Variants in ESYT2 observed in about 807,000 individuals in gnomAD.
ESYT2 encodes the protein extended synaptotagmin-2.
ESYT2 carries 54 observed loss-of-function variants against 107.2 expected under a neutral mutation model. The ratio of observed to expected loss-of-function variants is 0.50; its 90% CI spans 0.40 to 0.63. The LOEUF is 0.63. Among genes scored for constraint, ESYT2 ranks in the 30% least tolerant of loss-of-function variants. ESYT2 has a pLI of 0.00. For missense variants in ESYT2, 1,020 were observed against 1,094.5 expected (o/e 0.93, Z 0.96); for synonymous variants, 491 against 434.1 (o/e 1.13, Z -1.63).
chr7:158,799,131 C>T (rs897312310), intron 1 of ESYT2, 59 bp from the exon 2 acceptor site: 2 of 1,453,134 alleles, frequency 1.4e-6, no homozygotes, highest in Non-Finnish European at 1.9e-6. Context: ...AATAAAATGT[C>T]AAGCAGGCAA....
rs1448175736 is a variant in ESYT2, at chr7:158,731,622, A to C, written c.*2585T>G. The stretch of plus-strand genomic sequence containing the variant: ...GCACCCGGCCAGCTGCTTCTATTTT[A>C]ATCTGAACTTGGAAACACCTTCCTA... On this transcript the variant is annotated 3_prime_UTR_variant, in exon 23 of 23. Transcript: ENST00000275418. 1 of 152,594 alleles carries C rather than the reference A, an allele frequency of 6.6e-6. No individual in the cohort carries two copies. The highest frequency in any genetic ancestry group is 1.5e-5 in the Non-Finnish European group (1 of 68,094). 9.5% of individuals were successfully genotyped at this position (152,594 alleles called of 1,614,324 possible).
In ESYT2 at chr7:158,829,278, C is replaced by T; in HGVS notation, c.141G>A (p.Leu47=). The T allele has an allele frequency of 6.6e-7, 1 of 1,518,646 alleles. No homozygotes were observed. Among genetic ancestry groups the T allele is most frequent in the Non-Finnish European group, 8.8e-7 (1 of 1,142,002 alleles). The allele number at this position is 1,518,646 out of a possible 1,614,324, so 94.1% of individuals were successfully genotyped here. A position where few individuals can be genotyped will look rare whatever the true frequency, so the allele number is the denominator to read the frequency against. The change falls in exon 1 of 23, where the codon CTG becomes CTA. Residue 47 remains leucine (L), a synonymous_variant. Coordinates refer to ENST00000275418, the MANE Select transcript of ESYT2 (RefSeq NM_001367773.1). ...GGTAGCCCAGCGCGTACACGGGCAG[C>T]AGCAGCGCGAAGCTCCGCGCCAGCT... The part of the protein sequence containing the change: ...LAQLARSFAL[L]LPVYALGYLG...
intron 6 of ESYT2, among the ~76,000 whole-genome samples, chr7:158,782,936 G>A (rs1838966912): frequency 6.6e-6 from 1 of 152,202 alleles, no homozygotes; most frequent in South Asian, 2.1e-4. Context: ...GTCCACATGA[G>A]GGCACCGTGG....
intron 1 of ESYT2, among the ~76,000 whole-genome samples, chr7:158,820,695 A>G (rs913363142): frequency 2.0e-5 from 3 of 152,132 alleles, no homozygotes; most frequent in South Asian, 2.1e-4. Flanking sequence ...CTGAGGCGGG[A>G]GGGGTGACTG....
Position 158,829,077 on chromosome 7 carries a change from G to A in ESYT2, c.330+12C>T. 1 of 1,583,990 alleles carries A rather than the reference G, an allele frequency of 6.3e-7. No homozygotes were observed. The highest frequency in any genetic ancestry group is 1.1e-5 in the South Asian group (1 of 89,772). ...TGGTCAGGGGTCGGGACGGGCAGGG[G>A]TCTGCACTCACCCAGGCGGGCAGGT... On this transcript the variant is annotated intron_variant, in intron 1 of 22. Transcript: ENST00000275418.
chr7:158,734,941 G>A (rs905459224), intron 21 of ESYT2, among the ~76,000 whole-genome samples: 2 of 152,078 alleles, frequency 1.3e-5, no homozygotes, highest in African/African-American at 4.8e-5. Flanking sequence ...ACCCCCCTGA[G>A]CACCTGTAAG....
rs780872461 is a variant in ESYT2, at chr7:158,760,090, T to C, written c.1291A>G (p.Thr431Ala). Residue 431 changes from threonine to alanine, a missense_variant, in exon 12 of 23, where the codon ACG (threonine) becomes GCG (alanine). Physicochemically the swap from Thr to Ala is moderately conservative, Grantham distance 58. Coordinates refer to ENST00000275418, the MANE Select transcript of ESYT2 (RefSeq NM_001367773.1). The stretch of plus-strand genomic sequence containing the variant: ...AGGTTTGACGCATTTGGCATTAACG[T>C]GAGCCACTCCAGTCTCAAGTGTAGC... The part of the protein sequence containing the change: ...GKLHLRLEWL[T>A]LMPNASNLDK... The C allele has an allele frequency of 6.2e-7, 1 of 1,614,208 alleles. No homozygotes were observed. Among genetic ancestry groups the C allele is most frequent in the East Asian group, 2.2e-5 (1 of 44,894 alleles).
At position 158,734,235 on chromosome 7, in the gene ESYT2, T is replaced by C. The variant is rs1836837198; in HGVS notation, c.2573A>G (p.Asp858Gly). Reference protein sequence around the residue: ...GWTQWYDLTEDGTRPQAMT With the variant: ...GWTQWYDLTEGGTRPQAMT ...TGTCATCGCCTGAGGCCTCGTCCCA[T>C]CTTCCGTGAGGTCATACCTGAGAAA... Residue 858 changes from aspartate (D) to glycine (G), a missense_variant, in exon 23 of 23, where the codon GAT becomes GGT. Physicochemically the swap from Asp to Gly is moderately conservative, Grantham distance 94 (BLOSUM62 -1). Coordinates refer to ENST00000275418, the MANE Select transcript of ESYT2 (RefSeq NM_001367773.1). The C allele has an allele frequency of 6.2e-7, 1 of 1,614,010 alleles. No homozygotes were observed. Among genetic ancestry groups the C allele is most frequent in the African/African-American group, 1.3e-5 (1 of 74,926 alleles).
intron 4 of ESYT2, among the ~76,000 whole-genome samples, chr7:158,792,822 G>A (rs988525346): frequency 1.1e-4 from 16 of 141,392 alleles, no homozygotes; most frequent in South Asian, 2.4e-4. Flanking sequence ...AGGCTGGAGC[G>A]CAGTGGCATG....
chr7:158,750,766 G>A (rs900021850), intron 14 of ESYT2, among the ~76,000 whole-genome samples: 7 of 152,158 alleles, frequency 4.6e-5, no homozygotes, highest in Non-Finnish European at 1.0e-4. Flanking sequence ...AGTTTTAGCT[G>A]AGCACAAGTC....
intron 20 of ESYT2, among the ~76,000 whole-genome samples, chr7:158,735,892 T>A: frequency 6.6e-6 from 1 of 152,104 alleles, no homozygotes. Context: ...TCTCTCAACA[T>A]GTCTGACTCT....
chr7:158,782,150 AGTGTGAGTGTGAGAACAGTGAG>A (rs1446679117), intron 6 of ESYT2, among the ~76,000 whole-genome samples: 2 of 150,598 alleles, frequency 1.3e-5, no homozygotes, highest in Non-Finnish European at 2.9e-5. Flanking sequence ...TGAGTGAACA[AGTGTGAGTGTGAGAACAGTGAG>A]GTGTGAGTGT....
rs758615693 is a variant in ESYT2, at chr7:158,788,089, T to C, written c.662A>G (p.His221Arg). The C allele has an allele frequency of 3.7e-5, 60 of 1,613,778 alleles. No individual in the cohort carries two copies. Among genetic ancestry groups the C allele is most frequent in the East Asian group, 2.0e-4 (9 of 44,884 alleles). The stretch of plus-strand genomic sequence containing the variant: ...TTCCAGGATCACCCGCATGGTACCA[T>C]GAATCTAAACTCAAACAGGAAACCA... ...CRAGVKSIQIHGTMRVILEPL... is the reference protein window; with the variant it reads ...CRAGVKSIQIRGTMRVILEPL... Residue 221 changes from histidine to arginine, a missense_variant, in exon 6 of 23, where the codon CAT becomes CGT. Physicochemically the swap from His to Arg is conservative, Grantham distance 29. Transcript: ENST00000275418.
At chr7:158,824,981 G>A (rs973097397) in intron 1 of ESYT2, among the ~76,000 whole-genome samples, 10 of 152,220 alleles carry the variant, frequency 6.6e-5, no homozygotes, top group Middle Eastern at 6.8e-3. Flanking sequence ...GGAACACAGC[G>A]AGAACCGCCT....
intron 6 of ESYT2, among the ~76,000 whole-genome samples, chr7:158,782,966 C>T (rs1207033818): frequency 6.6e-6 from 1 of 152,178 alleles, no homozygotes; most frequent in African/African-American, 2.4e-5. Flanking sequence ...CAGCAGGGCC[C>T]GATAAAGGCC....
intron 4 of ESYT2, among the ~76,000 whole-genome samples, chr7:158,788,919 G>A (rs1839194463): frequency 6.6e-6 from 1 of 152,178 alleles, no homozygotes; most frequent in Non-Finnish European, 1.5e-5. Context: ...TAGAAACAGT[G>A]TATCTGTTTG....
At chr7:158,798,708 A>C (rs903850936) in intron 2 of ESYT2, among the ~76,000 whole-genome samples, 1 of 146,408 alleles carries the variant, frequency 6.8e-6, no homozygotes, top group African/African-American at 2.5e-5. Flanking sequence ...CTTGTAAGTT[A>C]TTTCTTTCTT....
chr7:158,763,144 C>T lies in ESYT2; in HGVS notation c.1123G>A (p.Gly375Arg). 6.2e-7 allele frequency: 1 copy of T among 1,612,824 alleles called. No individual in the cohort carries two copies. Among genetic ancestry groups the T allele is most frequent in the Non-Finnish European group, 8.5e-7 (1 of 1,179,388 alleles). Residue 375 changes from glycine (G) to arginine (R), a missense_variant, in exon 10 of 23, where the codon GGA becomes AGA. Gly to Arg is a moderately radical substitution (Grantham distance 125). Coordinates refer to ENST00000275418, the MANE Select transcript of ESYT2 (RefSeq NM_001367773.1). ...AAGAGCTCAATCTCTAATTCTTGTC[C>T]AGGATGTTCATACACTAAAGCCTAA... Reference protein sequence around the residue: ...VYEALVYEHPGQELEIELFDE... With the variant: ...VYEALVYEHPRQELEIELFDE...
At chr7:158,785,462 T>TC (rs1219284272) in intron 6 of ESYT2, among the ~76,000 whole-genome samples, 2 of 146,538 alleles carry the variant, frequency 1.4e-5, no homozygotes, top group African/African-American at 5.5e-5. Context: ...AATAAATAAA[T>TC]AAATAAATAA....
Sources: allele counts gnomAD v4.1 joint callset (sites outside exome capture counted in the v4.1 genomes callset), GRCh38; gene constraint gnomAD v4.1.1; transcripts MANE v1.5; gene names NCBI Gene and HGNC (gene_info 2026-07-23, HGNC 2026-07-21).